ENDOV: variants seen among roughly 807,000 people sequenced by gnomAD.
The protein encoded by ENDOV is endonuclease V.
Under a neutral mutation model 39.4 loss-of-function variants are expected in ENDOV, and 37 were observed. The ratio of observed to expected loss-of-function variants is 0.94; its 90% CI spans 0.72 to 1.23. The LOEUF (loss-of-function observed/expected upper bound fraction) is 1.23. Among genes scored for constraint, ENDOV ranks in the 50% most tolerant of loss-of-function variants. The pLI is 0.00. For synonymous variants in ENDOV, 186 were observed against 163.4 expected, an observed-to-expected ratio of 1.14 and a Z score of -1.05; for missense variants, 441 against 375.7, an observed-to-expected ratio of 1.17 and a Z score of -1.44.
At chr17:80,432,715 T>C (rs888394904) in intron 9 of ENDOV, among the ~76,000 whole-genome samples, 3 of 151,940 alleles carry the variant, frequency 2.0e-5, no homozygotes, top group African/African-American at 7.2e-5. Flanking sequence ...ACAGAGCCAA[T>C]GCTGGCGATG....
At chr17:80,434,495 T>A (rs1285054678) in intron 9 of ENDOV, among the ~76,000 whole-genome samples, 1 of 152,238 alleles carries the variant, frequency 6.6e-6, no homozygotes, top group African/African-American at 2.4e-5. Flanking sequence ...GGTGACCCTG[T>A]GTTTAACTTT....
At position 80,428,720 on chromosome 17, in the gene ENDOV, G is replaced by A. The variant is rs953180812; in HGVS notation, c.779+60G>A. On this transcript the variant is annotated intron_variant, in intron 8 of 9. Transcript: ENST00000518137. ...CATCTCACAGACACCTGCATGGGCT[G>A]TTTCCGGTGGCTCAGCCTCTCCTTG... The A allele has an allele frequency of 1.2e-5, 18 of 1,490,718 alleles. No homozygotes were observed. The Admixed American group carries it at 2.0e-4, about 16-fold the overall frequency. The allele number at this position is 1,490,718 out of a possible 1,614,324, so 92.3% of individuals were successfully genotyped here. A position where few individuals can be genotyped will look rare whatever the true frequency, so the allele number is the denominator to read the frequency against.
In ENDOV at chr17:80,428,433, A is replaced by G. The variant is rs1347721995; in HGVS notation, c.715-163A>G. On this transcript the variant is annotated intron_variant, in intron 7 of 9. Transcript: ENST00000518137. ...AAAGTCCCAGGCATGCCTGTCCCAC[A>G]CTCGCTGACAGGGCCGCGGCTCCTG... is the stretch of plus-strand genomic sequence containing the variant. 4.5e-6 allele frequency: 3 copies of G among 672,974 alleles called. No individual in the cohort carries two copies. In the East Asian group the frequency reaches 8.3e-5, roughly 19 times the overall value. 41.7% of individuals were successfully genotyped at this position (672,974 alleles called of 1,614,324 possible).
intron 2 of ENDOV, chr17:80,416,399 C>T (rs1222406534): frequency 6.5e-6 from 1 of 152,984 alleles, no homozygotes; most frequent in Admixed American, 6.5e-5. Flanking sequence ...CACCACGCTC[C>T]CAGTTGCCCA....
At position 80,430,432 on chromosome 17, in the gene ENDOV, A is replaced by C; in HGVS notation, c.838+601A>C. 6.4e-6 allele frequency: 9 copies of C among 1,396,962 alleles called. No homozygotes were observed. The South Asian group carries it at 1.1e-4, about 18-fold the overall frequency. The allele number at this position is 1,396,962 out of a possible 1,614,324, so 86.5% of individuals were successfully genotyped here. ...CTCTTTACCCTGAGGTTTACTTGCA[A>C]AATCAGGGTTCATTTTTAAAGCAGG... On this transcript the variant is annotated intron_variant, in intron 9 of 9. Transcript: ENST00000518137.
At chr17:80,434,775 A>C (rs2083507583) in intron 9 of ENDOV, among the ~76,000 whole-genome samples, 1 of 152,166 alleles carries the variant, frequency 6.6e-6, no homozygotes, top group Non-Finnish European at 1.5e-5. Context: ...GTGAGACCTC[A>C]TCTCTACAGA....
intron 2 of ENDOV, 110 bp from the exon 3 acceptor site, chr17:80,421,718 G>A: frequency 7.2e-7 from 1 of 1,393,472 alleles, no homozygotes; most frequent in African/African-American, 1.4e-5. Flanking sequence ...GGAGCCATGA[G>A]GGTGACGTAA....
intron 4 of ENDOV, 99 bp downstream of exon 4, chr17:80,422,344 C>T (rs555558819): frequency 4.9e-6 from 7 of 1,432,624 alleles, no homozygotes; most frequent in Admixed American, 1.9e-5. Flanking sequence ...GGCCCTCGGC[C>T]TCTGCCGCCA....
chr17:80,428,393 C>G, intron 7 of ENDOV: 1 of 587,944 alleles, frequency 1.7e-6, no homozygotes, highest in Non-Finnish European at 3.0e-6. Context: ...GCTGCCATTG[C>G]GGGGCTTTGA....
rs1568220791 is a variant in ENDOV at position 80,421,940 on chromosome 17, AG to A, written c.343del (p.Glu115SerfsTer83). ...LLELVQQLRE[K>X]EPGLMPQVLL... The stretch of plus-strand genomic sequence containing the variant: ...GAGCTGGTGCAGCAGCTGCGGGAGA[AG>A]GAGCCGGGCCTCATGCCCCAGGCAG... On this transcript the variant is annotated frameshift_variant, in exon 3 of 10. Transcript: ENST00000518137. LOFTEE classifies it high-confidence loss of function. 1 of 1,610,084 alleles carries A rather than the reference AG, an allele frequency of 6.2e-7. No homozygotes were observed. Among genetic ancestry groups the A allele is most frequent in the Non-Finnish European group, 8.5e-7 (1 of 1,179,678 alleles).
intron 2 of ENDOV, chr17:80,420,289 C>G (rs2081826935): frequency 3.3e-5 from 5 of 152,336 alleles, no homozygotes. Context: ...CAGCCACGCC[C>G]CTCCTGTGGG....
At chr17:80,422,935 G>A (rs1361712152) in intron 4 of ENDOV, among the ~76,000 whole-genome samples, 2 of 152,016 alleles carry the variant, frequency 1.3e-5, no homozygotes, top group Admixed American at 6.5e-5. Flanking sequence ...TCCTGACCTC[G>A]TGATCCGCCT....
chr17:80,425,437 G>T, intron 6 of ENDOV, 55 bp from the exon 7 acceptor site: 1 of 1,549,344 alleles, frequency 6.5e-7, no homozygotes, highest in Non-Finnish European at 8.7e-7. Context: ...AGGCTGTCCT[G>T]ACCCTGGTCC....
intron 8 of ENDOV, 71 bp from the exon 9 acceptor site, chr17:80,429,702 A>T: frequency 6.9e-7 from 1 of 1,448,212 alleles, no homozygotes; most frequent in Admixed American, 2.0e-5. Context: ...CCCAGACCCC[A>T]TCTGGGGTGT....
chr17:80,435,926 AG>A (rs1461788005), intron 9 of ENDOV, among the ~76,000 whole-genome samples: 1 of 151,570 alleles, frequency 6.6e-6, no homozygotes, highest in African/African-American at 2.4e-5. Flanking sequence ...TAGTTTTTCA[AG>A]ATTTTTTTGT....
chr17:80,423,268 C>T (rs1278621789), intron 4 of ENDOV, among the ~76,000 whole-genome samples: 6 of 152,238 alleles, frequency 3.9e-5, no homozygotes, highest in Admixed American at 1.3e-4. Flanking sequence ...AGCACGCCAG[C>T]GAGGTGCTGA....
intron 9 of ENDOV, among the ~76,000 whole-genome samples, chr17:80,434,865 A>C (rs1568259541): frequency 6.7e-6 from 1 of 149,280 alleles, no homozygotes; most frequent in African/African-American, 2.6e-5. Context: ...AGGATCACTT[A>C]AGCCCAGGAG....
chr17:80,415,226 A>C lies in ENDOV; in HGVS notation c.32A>C (p.Glu11Ala), dbSNP rs778746332. MALEAAGGPP[E>A]ETLSLWKREQ... The stretch of plus-strand genomic sequence containing the variant: ...CTGGAGGCGGCGGGAGGGCCGCCGG[A>C]GGAAACGCTGTCACTGTGGAAACGG... Residue 11 changes from glutamate to alanine, a missense_variant, in exon 1 of 10, where the codon GAG (glutamate) becomes GCG (alanine). Coordinates refer to ENST00000518137, the MANE Select transcript of ENDOV (RefSeq NM_173627.5). 3.7e-6 allele frequency: 6 copies of C among 1,613,264 alleles called. No homozygotes were observed. The highest frequency in any genetic ancestry group is 2.2e-5 in the East Asian group (1 of 44,846).
chr17:80,426,260 C>G (rs1430267101), intron 7 of ENDOV, among the ~76,000 whole-genome samples: 2 of 152,160 alleles, frequency 1.3e-5, no homozygotes, highest in African/African-American at 2.4e-5. Flanking sequence ...CCCAGAGAAG[C>G]CCACAGAGTG....
Sources: gnomAD v4.1 joint callset for allele counts (sites outside exome capture counted in the v4.1 genomes callset) on GRCh38, gnomAD v4.1.1 for gene constraint, MANE v1.5 for transcripts, NCBI Gene and HGNC (gene_info 2026-07-23, HGNC 2026-07-21) for gene names.